Variants in LRRC38 observed in about 807,000 individuals in gnomAD.
LRRC38 encodes the protein leucine-rich repeat-containing protein 38.
In LRRC38, 5 loss-of-function variants were observed where a neutral mutation model predicts 16.4. The ratio of observed to expected loss-of-function variants is 0.31; its 90% CI spans 0.16 to 0.64. LRRC38 has a LOEUF of 0.64. Ranked by LOEUF, LRRC38 falls within the 30% of genes least tolerant of loss-of-function variation. LRRC38 has a pLI of 0.80. For missense variants in LRRC38, 341 were observed against 401.8 expected (o/e 0.85, Z 1.29); for synonymous variants, 191 against 190.2 (o/e 1.00, Z -0.04).
chr1:13,496,397 T>C (rs574327959), intron 1 of LRRC38, among the ~76,000 whole-genome samples: 15 of 152,184 alleles, frequency 9.9e-5, no homozygotes, highest in African/African-American at 3.6e-4. Flanking sequence ...GGTCTCAAAC[T>C]CCTGGGCTCA....
chr1:13,491,126 C>T lies in LRRC38; in HGVS notation c.632-15027G>A, dbSNP rs1462157113. 2.0e-5 allele frequency among the ~76,000 whole-genome samples: 3 copies of T among 152,216 alleles called. 1 individual carries two copies. Among genetic ancestry groups the T allele is most frequent in the Non-Finnish European group, 2.9e-5 (2 of 68,012 alleles). ...TAATCTTGCCCATCGGGGGATTTGT[C>T]GATGTCTGAAGACATTTTTGGTTGT... On this transcript the variant is annotated intron_variant, in intron 1 of 1. Coordinates refer to ENST00000376085, the MANE Select transcript of LRRC38 (RefSeq NM_001010847.2).
chr1:13,478,717 G>GA, intron 1 of LRRC38, among the ~76,000 whole-genome samples: 1 of 152,282 alleles, frequency 6.6e-6, no homozygotes, highest in African/African-American at 2.4e-5. Flanking sequence ...TTCTGTCCTG[G>GA]AAAAAGCAGC....
At chr1:13,481,050 C>T (rs1459411372) in intron 1 of LRRC38, among the ~76,000 whole-genome samples, 1 of 152,118 alleles carries the variant, frequency 6.6e-6, no homozygotes, top group Non-Finnish European at 1.5e-5. Flanking sequence ...GAGGTGAGGC[C>T]TCTGGGAGGC....
chr1:13,485,277 TAAAAAAAAA>T (rs3060199), intron 1 of LRRC38, among the ~76,000 whole-genome samples: 1 of 97,822 alleles, frequency 1.0e-5, no homozygotes, highest in Admixed American at 1.2e-4. Context: ...AACCCCACCT[TAAAAAAAAA>T]AAAAAAAACG....
At chr1:13,507,773 A>C (rs536111663) in intron 1 of LRRC38, among the ~76,000 whole-genome samples, 1 of 152,202 alleles carries the variant, frequency 6.6e-6, no homozygotes, top group African/African-American at 2.4e-5. Context: ...TGGAGGTTGC[A>C]GTGAGTCGAG....
Position 13,487,990 on chromosome 1 carries a change from A to G in LRRC38, c.632-11891T>C, listed in dbSNP as rs1026093539. Among the ~76,000 whole-genome samples the G allele has an allele frequency of 6.6e-6, 1 of 151,922 alleles. No homozygotes were observed. The highest frequency in any genetic ancestry group is 2.4e-5 in the African/African-American group (1 of 41,324). ...TCAAAAACAAGGGAGAATTAAAAAA[A>G]AAGTTAACACTTGGCTTATACCTTT... On this transcript the variant is annotated intron_variant, in intron 1 of 1. Coordinates refer to ENST00000376085, the MANE Select transcript of LRRC38 (RefSeq NM_001010847.2). The surrounding 1 kb of genome is among the most constrained non-coding windows in gnomAD (Gnocchi z 4.4).
chr1:13,487,846 C>T lies in LRRC38; in HGVS notation c.632-11747G>A, dbSNP rs1305803839. ...CCCTGATCTGGCCTCCTGGGAACTGCGTAACTCAGATTAACAACAGGCTCT... is the reference window on the plus strand; with the variant it reads ...CCCTGATCTGGCCTCCTGGGAACTGTGTAACTCAGATTAACAACAGGCTCT... On this transcript the variant is annotated intron_variant, in intron 1 of 1. Coordinates refer to ENST00000376085, the MANE Select transcript of LRRC38 (RefSeq NM_001010847.2). This position sits in a 1 kb window ranked among gnomAD's most constrained non-coding sequence, Gnocchi z 4.4. Among the ~76,000 whole-genome samples, 1 of 152,162 alleles carries T rather than the reference C, an allele frequency of 6.6e-6. No individual in the cohort carries two copies. Among genetic ancestry groups the T allele is most frequent in the Non-Finnish European group, 1.5e-5 (1 of 68,032 alleles).
intron 1 of LRRC38, among the ~76,000 whole-genome samples, chr1:13,509,188 C>A (rs2100526635): frequency 6.6e-6 from 1 of 152,240 alleles, no homozygotes; most frequent in African/African-American, 2.4e-5. Context: ...CCTCCCTACA[C>A]CTCCATGCGT....
intron 1 of LRRC38, among the ~76,000 whole-genome samples, chr1:13,490,127 G>A (rs1638990898): frequency 6.6e-6 from 1 of 152,088 alleles, no homozygotes; most frequent in Admixed American, 6.5e-5. Flanking sequence ...GGTAAGAAAG[G>A]AGCAGAGAAT....
intron 1 of LRRC38, among the ~76,000 whole-genome samples, chr1:13,493,835 T>C (rs1324355680): frequency 1.3e-5 from 2 of 152,034 alleles, no homozygotes; most frequent in African/African-American, 2.4e-5. Context: ...GAGGCTGAGG[T>C]GAGTAGACCA....
In LRRC38 at chr1:13,487,700, C is replaced by G. The variant is rs1160886055; in HGVS notation, c.632-11601G>C. 6.6e-6 allele frequency among the ~76,000 whole-genome samples: 1 copy of G among 152,188 alleles called. No individual in the cohort carries two copies. The highest frequency in any genetic ancestry group is 2.4e-5 in the African/African-American group (1 of 41,456). ...CACCTGAGCTGGAGAGGGTGAAGAGCTGCCATTCTCCAGAAATAGACAGTG... is the reference window on the plus strand; with the variant it reads ...CACCTGAGCTGGAGAGGGTGAAGAGGTGCCATTCTCCAGAAATAGACAGTG... On this transcript the variant is annotated intron_variant, in intron 1 of 1. Coordinates refer to ENST00000376085, the MANE Select transcript of LRRC38 (RefSeq NM_001010847.2). The surrounding 1 kb of genome is among the most constrained non-coding windows in gnomAD (Gnocchi z 4.4).
chr1:13,501,938 T>C (rs1472510360), intron 1 of LRRC38, among the ~76,000 whole-genome samples: 1 of 150,788 alleles, frequency 6.6e-6, no homozygotes, highest in East Asian at 2.0e-4. Context: ...AATTTTTTTT[T>C]TTGGTGGGGG....
Position 13,485,287 on chromosome 1 carries a change from A to AAAC in LRRC38, c.632-9189_632-9188insGTT, listed in dbSNP as rs1252485165. 3.0e-5 allele frequency among the ~76,000 whole-genome samples: 4 copies of AAAC among 133,484 alleles called. No homozygotes were observed. The East Asian group carries it at 7.3e-4, about 24-fold the overall frequency. The allele number at this position is 133,484 out of a possible 152,430, so 87.6% of individuals were successfully genotyped here. A position where few individuals can be genotyped will look rare whatever the true frequency, so the allele number is the denominator to read the frequency against. On this transcript the variant is annotated intron_variant, in intron 1 of 1. Transcript: ENST00000376085. ...AGCAAAACCCCACCTTAAAAAAAAA[A>AAAC]AAAAAAACGGCCAGGCACAGTGGCT... is the stretch of plus-strand genomic sequence containing the variant.
intron 1 of LRRC38, among the ~76,000 whole-genome samples, chr1:13,500,515 C>A (rs1195219239): frequency 1.3e-5 from 2 of 152,156 alleles, no homozygotes; most frequent in Non-Finnish European, 1.5e-5. Context: ...AAGAATGAAA[C>A]TGTCTCTTAT....
intron 1 of LRRC38, among the ~76,000 whole-genome samples, chr1:13,489,743 AC>A (rs1447567303): frequency 2.0e-5 from 3 of 152,166 alleles, no homozygotes; most frequent in South Asian, 2.1e-4. Flanking sequence ...GATAGTGCTG[AC>A]CTGTGTTCTC....
At position 13,502,720 on chromosome 1, in the gene LRRC38, C is replaced by T. The variant is rs570593658; in HGVS notation, c.631+10243G>A. Among the ~76,000 whole-genome samples the T allele has an allele frequency of 3.3e-5, 5 of 152,274 alleles. No homozygotes were observed. The South Asian group carries it at 6.2e-4, about 19-fold the overall frequency. The stretch of plus-strand genomic sequence containing the variant: ...AAGATCTTTCACATCTGTGTTTCCT[C>T]GATCCTCTCGACAAACCTCAGGATG... On this transcript the variant is annotated intron_variant, in intron 1 of 1. Transcript: ENST00000376085.
At chr1:13,482,320 T>C (rs1638879497) in intron 1 of LRRC38, among the ~76,000 whole-genome samples, 1 of 152,016 alleles carries the variant, frequency 6.6e-6, no homozygotes, top group Admixed American at 6.6e-5. Context: ...CTCACACCTG[T>C]AACCCCAGCA....
At chr1:13,501,500 CTGGGTT>C (rs1639148811) in intron 1 of LRRC38, among the ~76,000 whole-genome samples, 3 of 149,708 alleles carry the variant, frequency 2.0e-5, no homozygotes, top group African/African-American at 5.1e-5. Context: ...CTTCCAACTC[CTGGGTT>C]CAAGCAATTC....
intron 1 of LRRC38, among the ~76,000 whole-genome samples, chr1:13,509,199 CA>C (rs1639246754): frequency 6.6e-6 from 1 of 152,114 alleles, no homozygotes. Flanking sequence ...CTCCATGCGT[CA>C]AGGTTGTAGA....
Sources: gnomAD v4.1 joint callset for allele counts (sites outside exome capture counted in the v4.1 genomes callset) on GRCh38, gnomAD v4.1.1 for gene constraint, Gnocchi (gnomAD v3.1) non-coding constraint, MANE v1.5 for transcripts, NCBI Gene and HGNC (gene_info 2026-07-23, HGNC 2026-07-21) for gene names.